RAB11FIP4: variants seen among roughly 807,000 people sequenced by gnomAD.
The protein encoded by RAB11FIP4 is RAB11 family interacting protein 4, also known as rab11 family-interacting protein 4.
RAB11FIP4 carries 23 observed loss-of-function variants against 74.3 expected under a neutral mutation model. That is an observed-to-expected ratio of 0.31 (90% CI 0.22 to 0.44). The LOEUF (loss-of-function observed/expected upper bound fraction) is 0.44. Among genes scored for constraint, RAB11FIP4 ranks in the 20% least tolerant of loss-of-function variants. RAB11FIP4 has a pLI of 1.00. For synonymous variants in RAB11FIP4, 360 were observed against 359.9 expected (o/e 1.00, Z 0.00); for missense variants, 630 against 863.9 (o/e 0.73, Z 3.39).
intron 3 of RAB11FIP4, among the ~76,000 whole-genome samples, chr17:31,486,182 C>T (rs2071899590): frequency 6.6e-6 from 1 of 151,932 alleles, no homozygotes; most frequent in Admixed American, 6.6e-5. Context: ...TGCAGTGAGC[C>T]AAGCTCACGC....
intron 3 of RAB11FIP4, among the ~76,000 whole-genome samples, chr17:31,468,770 C>T (rs1279703861): frequency 3.3e-5 from 5 of 151,736 alleles, no homozygotes; most frequent in Non-Finnish European, 7.4e-5. Context: ...GCGGAGGTTG[C>T]AGTGAGCCAA....
intron 3 of RAB11FIP4, among the ~76,000 whole-genome samples, chr17:31,452,997 G>A (rs958506921): frequency 2.0e-5 from 3 of 152,124 alleles, no homozygotes; most frequent in Non-Finnish European, 4.4e-5. Flanking sequence ...TCCAAGCTTT[G>A]GTTTCAGGAG....
rs574244853 is a variant in RAB11FIP4, at chr17:31,438,340, C to G, written c.336+4218C>G. ...TACAAGTGCTGTAAGGCCCTGGGCC[C>G]TGTTCATCCACCCTATGGTGGATGA... On this transcript the variant is annotated intron_variant, in intron 3 of 14. Coordinates refer to ENST00000621161, the MANE Select transcript of RAB11FIP4 (RefSeq NM_032932.6). Among the ~76,000 whole-genome samples the G allele has an allele frequency of 2.0e-5, 3 of 152,228 alleles. No individual in the cohort carries two copies. The East Asian group carries it at 5.8e-4, about 29-fold the overall frequency.
intron 3 of RAB11FIP4, among the ~76,000 whole-genome samples, chr17:31,501,285 C>T (rs962790483): frequency 6.2e-5 from 9 of 145,212 alleles, no homozygotes; most frequent in African/African-American, 1.0e-4. Context: ...GATGGGGTTA[C>T]GTCCTGATAA....
intron 1 of RAB11FIP4, among the ~76,000 whole-genome samples, chr17:31,400,781 G>A (rs1198137553): frequency 6.6e-6 from 1 of 152,214 alleles, no homozygotes; most frequent in Non-Finnish European, 1.5e-5. Flanking sequence ...GCTCCACGTT[G>A]GCCTGTGAGA....
intron 1 of RAB11FIP4, among the ~76,000 whole-genome samples, chr17:31,429,904 G>C (rs917659700): frequency 4.6e-5 from 7 of 150,766 alleles, no homozygotes; most frequent in Non-Finnish European, 1.0e-4. Flanking sequence ...TCCTGATCCC[G>C]TGTACCTGAA....
intron 1 of RAB11FIP4, among the ~76,000 whole-genome samples, chr17:31,420,472 A>G (rs1344698570): frequency 6.6e-6 from 1 of 151,950 alleles, no homozygotes; most frequent in Non-Finnish European, 1.5e-5. Flanking sequence ...GTCTCAAGCG[A>G]TCCTCCCACC....
rs1304354055 is a variant in RAB11FIP4, at chr17:31,523,878, G to A, written c.1030-15G>A. On this transcript the variant is annotated splice_polypyrimidine_tract_variant and intron_variant, in intron 8 of 14. Transcript: ENST00000621161. The stretch of plus-strand genomic sequence containing the variant: ...TCAGAGGTCTTCTCCACCCCACCCC[G>A]GCCCCCTGCTGCAGGTAAGCTTCCT... The A allele has an allele frequency of 3.0e-6, 3 of 1,003,948 alleles. No homozygotes were observed. The highest frequency in any genetic ancestry group is 1.6e-5 in the African/African-American group (1 of 63,040). The allele number at this position is 1,003,948 out of a possible 1,614,324, so 62.2% of individuals were successfully genotyped here.
In RAB11FIP4 at chr17:31,453,631, C is replaced by G. The variant is rs572216390; in HGVS notation, c.336+19509C>G. Among the ~76,000 whole-genome samples the G allele has an allele frequency of 3.3e-5, 5 of 151,626 alleles. No individual in the cohort carries two copies. The South Asian group carries it at 1.0e-3, about 32-fold the overall frequency. On this transcript the variant is annotated intron_variant, in intron 3 of 14. Coordinates refer to ENST00000621161, the MANE Select transcript of RAB11FIP4 (RefSeq NM_032932.6). ...CATGAGGTCAGGAGTTCGAGACCAG[C>G]CTGGCCAACATGGTGAAATGCTGTC...
chr17:31,525,888 G>C (rs2072758473), intron 10 of RAB11FIP4: 1 of 152,382 alleles, frequency 6.6e-6, no homozygotes, highest in Non-Finnish European at 1.5e-5. Flanking sequence ...TTCTGGCAGA[G>C]AGGACAGCTG....
intron 3 of RAB11FIP4, among the ~76,000 whole-genome samples, chr17:31,444,356 C>CG (rs200745996): frequency 2.6e-5 from 4 of 151,246 alleles, no homozygotes; most frequent in Admixed American, 2.0e-4. Flanking sequence ...AACACCCCCC[C>CG]CACCCTTCTA....
intron 13 of RAB11FIP4, among the ~76,000 whole-genome samples, chr17:31,529,504 G>C (rs2072829447): frequency 6.6e-6 from 1 of 152,144 alleles, no homozygotes; most frequent in Non-Finnish European, 1.5e-5. Flanking sequence ...TGGGCTCAAG[G>C]GATCCTCCCA....
At chr17:31,477,295 T>C (rs536853477) in intron 3 of RAB11FIP4, among the ~76,000 whole-genome samples, 1 of 152,316 alleles carries the variant, frequency 6.6e-6, no homozygotes, top group Non-Finnish European at 1.5e-5. Flanking sequence ...ACCTGGAGTG[T>C]TCCTCAGGCA....
At chr17:31,492,733 T>C (rs2142755510) in intron 3 of RAB11FIP4, among the ~76,000 whole-genome samples, 1 of 152,274 alleles carries the variant, frequency 6.6e-6, no homozygotes, top group Non-Finnish European at 1.5e-5. Context: ...TTGAATGGAA[T>C]TTGTCATTGG....
In RAB11FIP4 at chr17:31,535,716, G is replaced by A. The variant is rs938836059; in HGVS notation, c.*3984G>A. ...GACCAGAGTGGGTGGGCAGGACCTT[G>A]GCCTGGTGCCCCTGGAATCAGTGGG... On this transcript the variant is annotated 3_prime_UTR_variant, in exon 15 of 15. Transcript: ENST00000621161. 1.3e-5 allele frequency: 2 copies of A among 152,388 alleles called. No individual in the cohort carries two copies. Among genetic ancestry groups the A allele is most frequent in the Admixed American group, 1.3e-4 (2 of 15,282 alleles). 9.4% of individuals were successfully genotyped at this position (152,388 alleles called of 1,614,324 possible). A position where few individuals can be genotyped will look rare whatever the true frequency, so the allele number is the denominator to read the frequency against.
intron 3 of RAB11FIP4, among the ~76,000 whole-genome samples, chr17:31,438,981 C>G (rs2151630582): frequency 6.6e-6 from 1 of 152,240 alleles, no homozygotes; most frequent in Non-Finnish European, 1.5e-5. Context: ...ACCGCCTCCT[C>G]CAGGAAGCCT....
intron 3 of RAB11FIP4, among the ~76,000 whole-genome samples, chr17:31,481,059 A>T (rs1219993610): frequency 6.6e-6 from 1 of 152,172 alleles, no homozygotes; most frequent in Non-Finnish European, 1.5e-5. Flanking sequence ...TTAATGAAGG[A>T]ATGACTGAAA....
chr17:31,517,699 A>C lies in RAB11FIP4; in HGVS notation c.385A>C (p.Arg129=). The C allele has an allele frequency of 6.2e-7, 1 of 1,607,790 alleles. No individual in the cohort carries two copies. Among genetic ancestry groups the C allele is most frequent in the Admixed American group, 1.7e-5 (1 of 59,096 alleles). Residue 129 remains arginine (R), a synonymous_variant, in exon 4 of 15, where the codon AGG becomes CGG. Transcript: ENST00000621161. Reference sequence around the variant, plus strand: ...CTTTGCTGATGGCGAGCTCATCCCCAGGGAACCCGGCTTTTTTCCCGAGGA... The same window carrying C: ...CTTTGCTGATGGCGAGCTCATCCCCCGGGAACCCGGCTTTTTTCCCGAGGA... ...PTFADGELIP[R]EPGFFPEDEE...
rs1219655870 is a variant in RAB11FIP4, at chr17:31,521,801, C to T, written c.759-114C>T. 26 of 1,235,188 alleles carry T rather than the reference C, an allele frequency of 2.1e-5. No individual in the cohort carries two copies. The Admixed American group carries it at 5.6e-4, about 27-fold the overall frequency. 76.5% of individuals were successfully genotyped at this position (1,235,188 alleles called of 1,614,324 possible). A position where few individuals can be genotyped will look rare whatever the true frequency, so the allele number is the denominator to read the frequency against. ...TATATTTCCACTCCCTGCCCCTCCC[C>T]CGTAACAAGGTTCAAAGGTACTGGG... On this transcript the variant is annotated intron_variant, in intron 5 of 14. Coordinates refer to ENST00000621161, the MANE Select transcript of RAB11FIP4 (RefSeq NM_032932.6).
Sources: gnomAD v4.1 joint callset for allele counts (sites outside exome capture counted in the v4.1 genomes callset) on GRCh38, gnomAD v4.1.1 for gene constraint, MANE v1.5 for transcripts, NCBI Gene and HGNC (gene_info 2026-07-23, HGNC 2026-07-21) for gene names.